MIOS: variants seen among roughly 807,000 people sequenced by gnomAD.
MIOS encodes the protein GATOR2 complex protein MIOS.
Under a neutral mutation model 96.9 loss-of-function variants are expected in MIOS, and 52 were observed. That is an observed-to-expected ratio of 0.54 (90% confidence interval 0.43 to 0.68). The LOEUF is 0.68. MIOS is among the 30% of genes least tolerant of loss of function. MIOS has a pLI of 0.00. For missense variants in MIOS, 1,005 were observed against 1,052.8 expected, an observed-to-expected ratio of 0.95 and a Z score of 0.63; for synonymous variants, 397 against 359.5, an observed-to-expected ratio of 1.10 and a Z score of -1.18.
chr7:7,604,376 C>T (rs1784466897), intron 11 of MIOS, among the ~76,000 whole-genome samples: 1 of 152,050 alleles, frequency 6.6e-6, no homozygotes, highest in Admixed American at 6.6e-5. Flanking sequence ...TTTTTATACT[C>T]AATTGTGCTT....
chr7:7,598,272 G>T (rs1279414903), intron 11 of MIOS, among the ~76,000 whole-genome samples: 1 of 152,224 alleles, frequency 6.6e-6, no homozygotes, highest in East Asian at 1.9e-4. Flanking sequence ...CTGGACTGGA[G>T]ATCCTTTCTA....
chr7:7,588,959 A>G (rs761712327), intron 8 of MIOS, among the ~76,000 whole-genome samples: 6 of 152,126 alleles, frequency 3.9e-5, no homozygotes, highest in Non-Finnish European at 7.4e-5. Context: ...TAATAATGAA[A>G]AATGCTGGGG....
chr7:7,596,204 G>A lies in MIOS; in HGVS notation c.2197-53G>A, dbSNP rs1784198505. On this transcript the variant is annotated intron_variant, in intron 10 of 12. Transcript: ENST00000340080. Reference sequence around the variant, plus strand: ...TGTTAGGCGCACACTAAGTTATTTAGCATTCCATTATGGTTTGCATTACAT... The same window carrying A: ...TGTTAGGCGCACACTAAGTTATTTAACATTCCATTATGGTTTGCATTACAT... The A allele has an allele frequency of 6.8e-6, 10 of 1,480,854 alleles. No homozygotes were observed. In the Admixed American group the frequency reaches 1.1e-4, roughly 16 times the overall value. 91.7% of individuals were successfully genotyped at this position (1,480,854 alleles called of 1,614,324 possible).
At chr7:7,605,145 T>C (rs1331010501) in intron 11 of MIOS, 1 of 152,218 alleles carries the variant, frequency 6.6e-6, no homozygotes, top group South Asian at 2.1e-4. Context: ...CGATGCATAA[T>C]GTCTTTATAG....
Position 7,573,576 on chromosome 7 carries a change from G to A in MIOS, c.1101G>A (p.Met367Ile). Residue 367 changes from methionine to isoleucine, a missense_variant, in exon 4 of 13, where the codon ATG becomes ATA. Around this residue, in one of 3 missense-constraint regions of MIOS, gnomAD observed 865 missense variants for 887.9 expected, o/e 0.97. Coordinates refer to ENST00000340080, the MANE Select transcript of MIOS (RefSeq NM_019005.4). The surrounding 1 kb of genome is among the most constrained non-coding windows in gnomAD (Gnocchi z 5.0). ...CCTGGAGCCCAATTACATCTTTAAT[G>A]TGGGCTTGTGGTCGTCATTTATATG... ...SLAWSPITSL[M>I]WACGRHLYEC... The A allele has an allele frequency of 1.2e-6, 2 of 1,614,074 alleles. No homozygotes were observed. The highest frequency in any genetic ancestry group is 1.6e-4 in the Middle Eastern group (1 of 6,062).
At chr7:7,582,646 G>A (rs1215727439) in intron 5 of MIOS, 1 of 978,316 alleles carries the variant, frequency 1.0e-6, no homozygotes, top group East Asian at 1.1e-4. Context: ...AAGGAAGAAA[G>A]CAAGATCACT....
At chr7:7,605,896 A>G (rs1784516732) in intron 11 of MIOS, 46 bp from the exon 12 acceptor site, 2 of 1,533,196 alleles carry the variant, frequency 1.3e-6, no homozygotes, top group Non-Finnish European at 1.8e-6. Flanking sequence ...AACTTTAAAT[A>G]AAATATTATG....
intron 5 of MIOS, among the ~76,000 whole-genome samples, chr7:7,574,918 T>TTC (rs1783480321): frequency 6.6e-6 from 1 of 152,104 alleles, no homozygotes; most frequent in Non-Finnish European, 1.5e-5. Flanking sequence ...TTCAGATACT[T>TTC]TCAGATTTTG....
In MIOS at chr7:7,583,334, C is replaced by G. The variant is rs1783789286; in HGVS notation, c.1610C>G (p.Ala537Gly). 6.2e-7 allele frequency: 1 copy of G among 1,612,838 alleles called. No homozygotes were observed. Among genetic ancestry groups the G allele is most frequent in the African/African-American group, 1.3e-5 (1 of 74,830 alleles). Residue 537 changes from alanine (A) to glycine (G), a missense_variant, in exon 6 of 13, where the codon GCA (alanine) becomes GGA (glycine). Around this residue, in one of 3 missense-constraint regions of MIOS, gnomAD observed 865 missense variants for 887.9 expected, o/e 0.97. Transcript: ENST00000340080. ...VALFNLDIRR[A>G]IQILNEGASS... is the part of the protein sequence containing the mutation. ...TTGTTCAACTTGGATATTCGCCGAG[C>G]AATCCAAATCCTGAATGAAGGGGCA... is the stretch of plus-strand genomic sequence containing the variant.
intron 11 of MIOS, among the ~76,000 whole-genome samples, chr7:7,599,829 A>ATACAC (rs1784318183): frequency 6.6e-6 from 1 of 152,242 alleles, no homozygotes; most frequent in African/African-American, 2.4e-5. Flanking sequence ...GGATAAAGAA[A>ATACAC]TGTGGTACAT....
chr7:7,572,558 A>G lies in MIOS; in HGVS notation c.83A>G (p.Tyr28Cys). Residue 28 changes from tyrosine (Y) to cysteine (C), a missense_variant, in exon 4 of 13, where the codon TAT becomes TGT. Physicochemically the swap from Tyr to Cys is radical, Grantham distance 194. This residue lies in a region of MIOS where 137 missense variants were observed against 148.6 expected (regional missense o/e 0.92). Coordinates refer to ENST00000340080, the MANE Select transcript of MIOS (RefSeq NM_019005.4). This position sits in a 1 kb window ranked among gnomAD's most constrained non-coding sequence, Gnocchi z 4.8. The part of the protein sequence containing the change: ...FVVCDSELSL[Y>C]HVESTVNSEL... ...GTGTGTGACTCAGAACTAAGTCTTT[A>G]TCATGTGGAATCTACTGTGAATTCA... The G allele has an allele frequency of 6.2e-7, 1 of 1,614,110 alleles. No individual in the cohort carries two copies. Among genetic ancestry groups the G allele is most frequent in the Non-Finnish European group, 8.5e-7 (1 of 1,179,988 alleles).
chr7:7,597,460 T>A (rs1784236064), intron 11 of MIOS, among the ~76,000 whole-genome samples: 1 of 97,818 alleles, frequency 1.0e-5, no homozygotes, highest in Non-Finnish European at 2.1e-5. Flanking sequence ...GTCAGTTACC[T>A]AGTAAATTTA....
chr7:7,603,300 T>G (rs1482355693), intron 11 of MIOS, among the ~76,000 whole-genome samples: 5 of 151,398 alleles, frequency 3.3e-5, no homozygotes, highest in East Asian at 3.9e-4. Context: ...GGGAGAAAAT[T>G]TTTGCAACCT....
chr7:7,573,530 T>C lies in MIOS; in HGVS notation c.1055T>C (p.Val352Ala). The C allele has an allele frequency of 6.2e-7, 1 of 1,614,136 alleles. No homozygotes were observed. The highest frequency in any genetic ancestry group is 8.5e-7 in the Non-Finnish European group (1 of 1,179,958). The change falls in exon 4 of 13, where the codon GTT becomes GCT. Residue 352 changes from valine (V) to alanine (A), a missense_variant. Val to Ala is a moderately conservative substitution (Grantham distance 64). Around this residue, in one of 3 missense-constraint regions of MIOS, gnomAD observed 865 missense variants for 887.9 expected, o/e 0.97. Transcript: ENST00000340080. This position sits in a 1 kb window ranked among gnomAD's most constrained non-coding sequence, Gnocchi z 5.0. Reference sequence around the variant, plus strand: ...AACCGAACAATGTCAGACTTCACTGTTTTTGAAAGGATATCTCTTGCCTGG... The same window carrying C: ...AACCGAACAATGTCAGACTTCACTGCTTTTGAAAGGATATCTCTTGCCTGG... ...TPNRTMSDFT[V>A]FERISLAWSP... is the part of the protein sequence containing the mutation.
At chr7:7,599,415 A>G (rs933410602) in intron 11 of MIOS, among the ~76,000 whole-genome samples, 1 of 152,226 alleles carries the variant, frequency 6.6e-6, no homozygotes, top group Non-Finnish European at 1.5e-5. Flanking sequence ...GGACTATTAT[A>G]TAAGGAAAGA....
chr7:7,575,788 C>G (rs1177573375), intron 5 of MIOS, among the ~76,000 whole-genome samples: 1 of 151,996 alleles, frequency 6.6e-6, no homozygotes, highest in Non-Finnish European at 1.5e-5. Flanking sequence ...GTATCCCACC[C>G]CTGTGTCAAA....
At chr7:7,574,076 T>C (rs768042066) in intron 4 of MIOS, 22 bp from the exon 5 acceptor site, 2 of 1,513,102 alleles carry the variant, frequency 1.3e-6, no homozygotes, top group Non-Finnish European at 1.8e-6. Context: ...GCATCACTAG[T>C]ATTTCCTATG....
In MIOS at chr7:7,596,272, A is replaced by C. The variant is rs750295015; in HGVS notation, c.2212A>C (p.Asn738His). Residue 738 changes from asparagine to histidine, a missense_variant, in exon 11 of 13, where the codon AAT becomes CAT. Coordinates refer to ENST00000340080, the MANE Select transcript of MIOS (RefSeq NM_019005.4). ...TGTTTTGTAGGTTTTTGTGAGTTGCAATTTCTGTGGCAAGTCAATCTCCTA... is the reference window on the plus strand; with the variant it reads ...TGTTTTGTAGGTTTTTGTGAGTTGCCATTTCTGTGGCAAGTCAATCTCCTA... ...KPLAQVFVSC[N>H]FCGKSISYSC... 1.2e-6 allele frequency: 2 copies of C among 1,612,914 alleles called. No individual in the cohort carries two copies. The highest frequency in any genetic ancestry group is 1.7e-6 in the Non-Finnish European group (2 of 1,179,524).
Position 7,605,935 on chromosome 7 carries a change from G to A in MIOS, c.2402-7G>A. 1 of 1,612,128 alleles carries A rather than the reference G, an allele frequency of 6.2e-7. No homozygotes were observed. Among genetic ancestry groups the A allele is most frequent in the Non-Finnish European group, 8.5e-7 (1 of 1,178,620 alleles). ...TAGTTAATGAAGATCATTTTATTTT[G>A]TCATAGGAGGAACCAAATCAGATGA... On this transcript the variant is annotated splice_polypyrimidine_tract_variant and splice_region_variant and intron_variant, in intron 11 of 12. Coordinates refer to ENST00000340080, the MANE Select transcript of MIOS (RefSeq NM_019005.4).
Sources: gnomAD v4.1 joint callset for allele counts (sites outside exome capture counted in the v4.1 genomes callset) on GRCh38, gnomAD v4.1.1 for gene constraint, gnomAD v4.1.1 regional missense constraint, Gnocchi (gnomAD v3.1) non-coding constraint, MANE v1.5 for transcripts, NCBI Gene and HGNC (gene_info 2026-07-23, HGNC 2026-07-21) for gene names.